Variants in GULP1 observed in about 807,000 individuals in gnomAD.
GULP1 encodes the protein GULP PTB domain containing engulfment adaptor 1, also known as PTB domain-containing engulfment adapter protein 1.
GULP1 carries 19 observed loss-of-function variants against 40.9 expected under a neutral mutation model. That is an observed-to-expected ratio of 0.46 (90% CI 0.32 to 0.68). The LOEUF is 0.68. Ranked by LOEUF, GULP1 falls within the 30% of genes least tolerant of loss-of-function variation. GULP1 has a pLI of 0.03. For missense variants in GULP1, 312 were observed against 362.2 expected (o/e 0.86, Z 1.12); for synonymous variants, 119 against 117.6 (o/e 1.01, Z -0.08).
intron 1 of GULP1, among the ~76,000 whole-genome samples, chr2:188,305,187 A>G (rs1007870450): frequency 7.9e-5 from 12 of 152,210 alleles, no homozygotes; most frequent in Non-Finnish European, 1.6e-4. Context: ...CCAGTTTATT[A>G]TAAAGGATAA....
chr2:188,476,891 TTTG>T (rs964964496), intron 2 of GULP1, among the ~76,000 whole-genome samples: 28 of 152,182 alleles, frequency 1.8e-4, no homozygotes, highest in African/African-American at 6.3e-4. Flanking sequence ...CAGAAATCTT[TTTG>T]TTGTTGTTGT....
chr2:188,379,324 T>G (rs1467317514), intron 1 of GULP1, among the ~76,000 whole-genome samples: 1 of 152,216 alleles, frequency 6.6e-6, no homozygotes, highest in Non-Finnish European at 1.5e-5. Flanking sequence ...GAACTCAGAA[T>G]GCATTTGGAA....
At chr2:188,430,669 C>T (rs1255068569) in intron 2 of GULP1, among the ~76,000 whole-genome samples, 2 of 152,192 alleles carry the variant, frequency 1.3e-5, no homozygotes, top group Non-Finnish European at 2.9e-5. Flanking sequence ...GCTCCATTTT[C>T]CCTTGAGGCT....
intron 1 of GULP1, among the ~76,000 whole-genome samples, chr2:188,354,197 A>C (rs561494452): frequency 7.2e-5 from 11 of 151,932 alleles, no homozygotes; most frequent in Non-Finnish European, 1.2e-4. Flanking sequence ...GATACTGCCA[A>C]TTTTTACCAT....
At chr2:188,457,929 C>G (rs1479700331) in intron 2 of GULP1, among the ~76,000 whole-genome samples, 2 of 152,198 alleles carry the variant, frequency 1.3e-5, no homozygotes, top group East Asian at 3.9e-4. Context: ...ATTTAACCTC[C>G]TTATATCTTC....
chr2:188,453,203 A>G (rs911171240), intron 2 of GULP1, among the ~76,000 whole-genome samples: 11 of 152,230 alleles, frequency 7.2e-5, no homozygotes, highest in Admixed American at 6.5e-5. Flanking sequence ...GCCAATTTAC[A>G]AAATGTTAAT....
intron 4 of GULP1, among the ~76,000 whole-genome samples, chr2:188,487,105 T>C (rs1030951897): frequency 6.6e-6 from 1 of 152,048 alleles, no homozygotes; most frequent in Middle Eastern, 3.2e-3. Flanking sequence ...CAATTTTTTA[T>C]GAGAATGCTA....
intron 9 of GULP1, among the ~76,000 whole-genome samples, chr2:188,571,918 C>T (rs1507552): frequency 0.99 from 151,451 of 152,332 alleles, 75,296 homozygotes; most frequent in Middle Eastern, 1. Flanking sequence ...CCATCACCTT[C>T]TTGGATGCAA....
chr2:188,567,326 G>A (rs746091538), intron 7 of GULP1, among the ~76,000 whole-genome samples: 2 of 152,116 alleles, frequency 1.3e-5, no homozygotes, highest in African/African-American at 2.4e-5. Context: ...AAAGACAAAT[G>A]CACGCGTATG....
chr2:188,494,672 C>T (rs1025787080), intron 4 of GULP1, among the ~76,000 whole-genome samples: 4 of 152,014 alleles, frequency 2.6e-5, no homozygotes, highest in African/African-American at 9.7e-5. Flanking sequence ...AAAATCTAGT[C>T]ATTTTATCTT....
chr2:188,297,161 C>A (rs1279539856), intron 1 of GULP1, among the ~76,000 whole-genome samples: 1 of 146,504 alleles, frequency 6.8e-6, no homozygotes, highest in South Asian at 2.2e-4. Flanking sequence ...TTTTTTTTTT[C>A]TTTTTTCCAA....
intron 2 of GULP1, among the ~76,000 whole-genome samples, chr2:188,392,896 G>A (rs1192065740): frequency 6.6e-6 from 1 of 151,934 alleles, no homozygotes; most frequent in Non-Finnish European, 1.5e-5. Flanking sequence ...GTATAATTTT[G>A]AGAGTTCCTT....
rs867003245 is a variant in GULP1 at position 188,414,272 on chromosome 2, A to G, written c.-45+30383A>G. 3.3e-5 allele frequency among the ~76,000 whole-genome samples: 5 copies of G among 151,104 alleles called. No homozygotes were observed. In the South Asian group the frequency reaches 8.4e-4, roughly 25 times the overall value. On this transcript the variant is annotated intron_variant, in intron 2 of 11. Coordinates refer to ENST00000409830, the MANE Select transcript of GULP1 (RefSeq NM_016315.4). ...AGAAATGGTTCATTGATTGATTTGT[A>G]TATATTTCTAGTTGATGGCCAGTTT... is the stretch of plus-strand genomic sequence containing the variant.
At chr2:188,464,072 T>C (rs988021463) in intron 2 of GULP1, among the ~76,000 whole-genome samples, 3 of 152,164 alleles carry the variant, frequency 2.0e-5, no homozygotes, top group Non-Finnish European at 2.9e-5. Flanking sequence ...TTGATACTTG[T>C]AGATGTTAAT....
chr2:188,324,520 T>A (rs1269904387), intron 1 of GULP1, among the ~76,000 whole-genome samples: 1 of 152,064 alleles, frequency 6.6e-6, no homozygotes, highest in African/African-American at 2.4e-5. Context: ...TTAAAGACAT[T>A]GAATATAGTG....
At chr2:188,366,787 G>T (rs2046860215) in intron 1 of GULP1, among the ~76,000 whole-genome samples, 1 of 151,888 alleles carries the variant, frequency 6.6e-6, no homozygotes, top group Non-Finnish European at 1.5e-5. Flanking sequence ...TAGAGATGGG[G>T]TTTCACCGTG....
chr2:188,404,933 C>G (rs1310135771), intron 2 of GULP1, among the ~76,000 whole-genome samples: 1 of 152,076 alleles, frequency 6.6e-6, no homozygotes, highest in Non-Finnish European at 1.5e-5. Context: ...GACACAGGCT[C>G]TAAGCCTGCC....
intron 2 of GULP1, among the ~76,000 whole-genome samples, chr2:188,405,790 T>G (rs1181998468): frequency 6.6e-6 from 1 of 152,214 alleles, no homozygotes. Flanking sequence ...TCAGAATTTC[T>G]GGATGGGCTG....
chr2:188,316,586 T>G (rs2039115358), intron 1 of GULP1, among the ~76,000 whole-genome samples: 1 of 152,082 alleles, frequency 6.6e-6, no homozygotes, highest in Admixed American at 6.6e-5. Flanking sequence ...TCCCCAGCTG[T>G]CCCTTATGCT....
Sources: allele counts gnomAD v4.1 joint callset (sites outside exome capture counted in the v4.1 genomes callset), GRCh38; gene constraint gnomAD v4.1.1; transcripts MANE v1.5; gene names NCBI Gene and HGNC (gene_info 2026-07-23, HGNC 2026-07-21).